The following COTL1 variants were observed in gnomAD, a reference collection of about 807,000 sequenced individuals.
The protein encoded by COTL1 is coactosin-like protein.
Under a neutral mutation model 16.5 loss-of-function variants are expected in COTL1, and 15 were observed. That is an observed-to-expected ratio of 0.91 (90% confidence interval 0.61 to 1.40). COTL1 has a LOEUF of 1.40. Among genes scored for constraint, COTL1 ranks in the 40% most tolerant of loss-of-function variants. The pLI, the probability that COTL1 is intolerant of heterozygous loss-of-function variation, is 0.00. For missense variants in COTL1, 220 were observed against 201.5 expected (o/e 1.09, Z -0.56); for synonymous variants, 112 against 85.3 (o/e 1.31, Z -1.73).
intron 3 of COTL1, among the ~76,000 whole-genome samples, chr16:84,577,349 A>G (rs1474855700): frequency 6.6e-6 from 1 of 152,158 alleles, no homozygotes; most frequent in Non-Finnish European, 1.5e-5. Flanking sequence ...AGTTCAAGCG[A>G]TTGTCCTGCC....
chr16:84,608,136 T>A (rs1046071173), intron 2 of COTL1, among the ~76,000 whole-genome samples: 2 of 152,154 alleles, frequency 1.3e-5, no homozygotes, highest in African/African-American at 4.8e-5. Context: ...GACCTAGACA[T>A]AGAGCTCCAT....
intron 2 of COTL1, among the ~76,000 whole-genome samples, chr16:84,607,051 A>G (rs187863005): frequency 4.6e-5 from 7 of 152,334 alleles, no homozygotes; most frequent in African/African-American, 1.7e-4. Flanking sequence ...AGAGATTGGC[A>G]GCCATCTAAC....
At chr16:84,591,724 A>G (rs973830764) in intron 2 of COTL1, among the ~76,000 whole-genome samples, 4 of 149,070 alleles carry the variant, frequency 2.7e-5, no homozygotes, top group African/African-American at 7.4e-5. Flanking sequence ...CAGGGAGGCT[A>G]AGGTGGGAGG....
chr16:84,585,040 C>A (rs1249059037), intron 3 of COTL1, among the ~76,000 whole-genome samples: 7 of 152,126 alleles, frequency 4.6e-5, no homozygotes, highest in African/African-American at 1.7e-4. Flanking sequence ...TCCATTAAAA[C>A]AAAAGAAAAG....
At chr16:84,573,482 T>A (rs1480005504) in intron 3 of COTL1, among the ~76,000 whole-genome samples, 1 of 152,102 alleles carries the variant, frequency 6.6e-6, no homozygotes, top group African/African-American at 2.4e-5. Flanking sequence ...TCATGAACAT[T>A]CAAAATACAC....
chr16:84,588,863 A>G (rs1484325373), intron 3 of COTL1, among the ~76,000 whole-genome samples: 1 of 152,190 alleles, frequency 6.6e-6, no homozygotes, highest in Non-Finnish European at 1.5e-5. Context: ...ATTCACAGAT[A>G]TGTGCAACCA....
chr16:84,613,490 T>A (rs907045564), intron 2 of COTL1, among the ~76,000 whole-genome samples: 4 of 150,952 alleles, frequency 2.6e-5, no homozygotes, highest in African/African-American at 9.8e-5. Context: ...TGAGGGAGGG[T>A]GTGTGGAGCT....
At chr16:84,571,514 C>T (rs1437646453) in intron 3 of COTL1, among the ~76,000 whole-genome samples, 1 of 152,190 alleles carries the variant, frequency 6.6e-6, no homozygotes, top group African/African-American at 2.4e-5. Context: ...CTCATCTCTC[C>T]CCCCTGCCCA....
chr16:84,577,839 A>C (rs917071546), intron 3 of COTL1, among the ~76,000 whole-genome samples: 2 of 152,178 alleles, frequency 1.3e-5, no homozygotes, highest in Non-Finnish European at 2.9e-5. Context: ...GGCCAAAACC[A>C]AATAGAGGCG....
chr16:84,569,482 A>G (rs1333163829), intron 3 of COTL1, among the ~76,000 whole-genome samples: 4 of 152,204 alleles, frequency 2.6e-5, no homozygotes, highest in African/African-American at 4.8e-5. Flanking sequence ...TTGGCGCGCA[A>G]AGCCACTGAG....
chr16:84,600,647 G>A (rs1905089823), intron 2 of COTL1, among the ~76,000 whole-genome samples: 1 of 152,164 alleles, frequency 6.6e-6, no homozygotes. Context: ...CGCATTGTGT[G>A]GGTATCTGCG....
intron 3 of COTL1, among the ~76,000 whole-genome samples, chr16:84,586,102 T>C (rs1233247669): frequency 2.6e-5 from 4 of 152,214 alleles, no homozygotes; most frequent in Admixed American, 2.0e-4. Flanking sequence ...TCTGGGATCC[T>C]GACCCAGAGG....
chr16:84,581,978 C>CTTTTT (rs11332563), intron 3 of COTL1, among the ~76,000 whole-genome samples: 42 of 66,028 alleles, frequency 6.4e-4, no homozygotes, highest in South Asian at 1.3e-3. Context: ...TACATTTCTT[C>CTTTTT]TTTTTTTTTT....
intron 2 of COTL1, among the ~76,000 whole-genome samples, chr16:84,601,131 A>G (rs1469642174): frequency 6.6e-6 from 1 of 152,184 alleles, no homozygotes; most frequent in Non-Finnish European, 1.5e-5. Context: ...ATCACTGAAC[A>G]GCCCTGGCAC....
rs145744712 is a variant in COTL1, at chr16:84,613,410, C to T, written c.160+4091G>A. 6.4e-4 allele frequency among the ~76,000 whole-genome samples: 98 copies of T among 152,194 alleles called. No homozygotes were observed. In the East Asian group the frequency reaches 0.014, roughly 22 times the overall value. ...GAGTTGAGATGGGGAAGAGGAATAC[C>T]GCATGGTAGAAACCTCCAAAATCAA... On this transcript the variant is annotated intron_variant, in intron 2 of 3. Transcript: ENST00000262428.
chr16:84,610,858 C>A (rs1194626153), intron 2 of COTL1, among the ~76,000 whole-genome samples: 1 of 138,474 alleles, frequency 7.2e-6, no homozygotes, highest in African/African-American at 2.5e-5. Context: ...AGGGCACCTG[C>A]CTCCAACCAA....
chr16:84,577,785 T>C (rs1904486633), intron 3 of COTL1, among the ~76,000 whole-genome samples: 1 of 152,190 alleles, frequency 6.6e-6, no homozygotes, highest in African/African-American at 2.4e-5. Flanking sequence ...CATGGTGTCC[T>C]AGAAGCACAC....
chr16:84,589,633 T>C (rs566223782), intron 3 of COTL1, among the ~76,000 whole-genome samples: 4 of 152,110 alleles, frequency 2.6e-5, no homozygotes, highest in Non-Finnish European at 5.9e-5. Flanking sequence ...TGAACAACCT[T>C]GGAAGTTTCT....
chr16:84,585,164 T>A (rs539696470), intron 3 of COTL1, among the ~76,000 whole-genome samples: 11 of 152,096 alleles, frequency 7.2e-5, no homozygotes, highest in Non-Finnish European at 1.3e-4. Context: ...TTGCCCATGG[T>A]CAGGCAGGTG....
Sources: allele counts gnomAD v4.1 joint callset (sites outside exome capture counted in the v4.1 genomes callset), GRCh38; gene constraint gnomAD v4.1.1; transcripts MANE v1.5; gene names NCBI Gene and HGNC (gene_info 2026-07-23, HGNC 2026-07-21).